MYLK4: variants seen among roughly 807,000 people sequenced by gnomAD.
MYLK4 encodes the protein myosin light chain kinase family member 4.
MYLK4 carries 46 observed loss-of-function variants against 48.1 expected under a neutral mutation model. The ratio of observed to expected loss-of-function variants is 0.96; its 90% confidence interval spans 0.75 to 1.22. MYLK4 has a LOEUF of 1.22. Ranked by LOEUF, MYLK4 falls within the 50% of genes most tolerant of loss-of-function variation. The probability of loss-of-function intolerance (pLI) is 0.00; values close to 1 mark genes in which losing one functional copy is unlikely to be tolerated. For missense variants in MYLK4, 451 were observed against 486.1 expected (o/e 0.93, Z 0.68); for synonymous variants, 170 against 180.8 (o/e 0.94, Z 0.48).
chr6:2,763,665 C>T, the MYLK4 span, among the ~76,000 whole-genome samples: 1 of 152,244 alleles, frequency 6.6e-6, no homozygotes, highest in Non-Finnish European at 1.5e-5. Context: ...TACTTCCCCA[C>T]AAGCTGAGGG....
chr6:2,704,170 T>A (rs1312429702), intron 2 of MYLK4, among the ~76,000 whole-genome samples: 2 of 152,268 alleles, frequency 1.3e-5, no homozygotes, highest in African/African-American at 4.8e-5. Flanking sequence ...GATTAGAAGG[T>A]CGGGTTGGGG....
the MYLK4 span, among the ~76,000 whole-genome samples, chr6:2,759,452 A>T: frequency 6.6e-6 from 1 of 152,176 alleles, no homozygotes; most frequent in South Asian, 2.1e-4. Flanking sequence ...TCTGTTTTTC[A>T]TGAAGTACAT....
At chr6:2,739,756 C>A (rs1763824019) in intron 2 of MYLK4, among the ~76,000 whole-genome samples, 1 of 152,180 alleles carries the variant, frequency 6.6e-6, no homozygotes, top group African/African-American at 2.4e-5. Flanking sequence ...TTTAAGAAGA[C>A]CTAGGGCCTA....
chr6:2,718,774 G>A (rs1762959699), intron 2 of MYLK4, among the ~76,000 whole-genome samples: 1 of 152,174 alleles, frequency 6.6e-6, no homozygotes, highest in Non-Finnish European at 1.5e-5. Flanking sequence ...GTTTATACTG[G>A]TGTGGTTAGT....
chr6:2,705,079 T>C (rs1233074946), intron 2 of MYLK4, among the ~76,000 whole-genome samples: 2 of 152,232 alleles, frequency 1.3e-5, no homozygotes, highest in Non-Finnish European at 2.9e-5. Flanking sequence ...TGATTATGAT[T>C]TAGTGGTAAC....
At chr6:2,722,512 AGT>A (rs369339405) in intron 2 of MYLK4, among the ~76,000 whole-genome samples, 24,509 of 139,276 alleles carry the variant, frequency 0.18, 2,120 homozygotes, top group African/African-American at 0.24. Context: ...ACATAAAAGG[AGT>A]GTGTGTGTGT....
chr6:2,701,352 C>T (rs1027876405), intron 2 of MYLK4, among the ~76,000 whole-genome samples: 1 of 152,162 alleles, frequency 6.6e-6, no homozygotes, highest in Non-Finnish European at 1.5e-5. Context: ...CCCACTGCCT[C>T]CCTGCAGTGG....
At chr6:2,680,399 C>G (rs1377460749) in intron 7 of MYLK4, 108 bp from the exon 8 acceptor site, 2 of 1,574,892 alleles carry the variant, frequency 1.3e-6, no homozygotes, top group Admixed American at 1.8e-5. Context: ...ACATATCAGG[C>G]CTTTCACTTC....
At chr6:2,744,897 C>T (rs1343659961) in intron 2 of MYLK4, among the ~76,000 whole-genome samples, 1 of 152,168 alleles carries the variant, frequency 6.6e-6, no homozygotes, top group African/African-American at 2.4e-5. Context: ...AAATGATTTG[C>T]TTAGGGGTCT....
Position 2,679,427 on chromosome 6 carries a change from A to C in MYLK4, c.759-19T>G, listed in dbSNP as rs200806017. The C allele has an allele frequency of 6.2e-7, 1 of 1,614,170 alleles. No homozygotes were observed. Among genetic ancestry groups the C allele is most frequent in the South Asian group, 1.1e-5 (1 of 91,084 alleles). ...TTTGTATCTGCAATTTAAGAGACAA[A>C]GTGGAAGGATGGACGTGTCGATCAA... On this transcript the variant is annotated intron_variant, in intron 8 of 12. Transcript: ENST00000274643.
intron 2 of MYLK4, among the ~76,000 whole-genome samples, chr6:2,693,500 C>G (rs964734818): frequency 2.6e-5 from 4 of 152,212 alleles, no homozygotes; most frequent in African/African-American, 9.7e-5. Context: ...ATTCTTCTCA[C>G]AGTCCTGGAG....
intron 2 of MYLK4, among the ~76,000 whole-genome samples, chr6:2,734,790 T>C (rs903660605): frequency 1.3e-5 from 2 of 152,218 alleles, no homozygotes; most frequent in Admixed American, 1.3e-4. Flanking sequence ...AACTTCATCA[T>C]CTGACTGCAG....
At chr6:2,702,541 C>T (rs1241409772) in intron 2 of MYLK4, among the ~76,000 whole-genome samples, 1 of 152,168 alleles carries the variant, frequency 6.6e-6, no homozygotes, top group Non-Finnish European at 1.5e-5. Context: ...GGTACAAAGT[C>T]TCAGACTGGA....
chr6:2,686,282 T>G (rs1450574429), intron 4 of MYLK4, among the ~76,000 whole-genome samples: 1 of 152,218 alleles, frequency 6.6e-6, no homozygotes, highest in Non-Finnish European at 1.5e-5. Flanking sequence ...TGTTATGAGC[T>G]GGGCTTTGCC....
chr6:2,729,338 G>A (rs537761956), intron 2 of MYLK4, among the ~76,000 whole-genome samples: 21 of 152,252 alleles, frequency 1.4e-4, no homozygotes, highest in Non-Finnish European at 2.1e-4. Context: ...GGACCAGCAA[G>A]CACATGGGGT....
intron 12 of MYLK4, among the ~76,000 whole-genome samples, chr6:2,669,362 T>C (rs909433296): frequency 6.6e-6 from 1 of 152,234 alleles, no homozygotes; most frequent in Non-Finnish European, 1.5e-5. Context: ...TTCCATCACA[T>C]TGGGTTCGAG....
At chr6:2,711,257 G>A (rs1762664284) in intron 2 of MYLK4, among the ~76,000 whole-genome samples, 1 of 152,204 alleles carries the variant, frequency 6.6e-6, no homozygotes, top group Non-Finnish European at 1.5e-5. Flanking sequence ...GACATGGTAA[G>A]AAACTCAATT....
the MYLK4 span, chr6:2,765,707 G>C: frequency 6.5e-7 from 1 of 1,546,018 alleles, no homozygotes; most frequent in African/African-American, 1.4e-5. Flanking sequence ...GATGATGCCC[G>C]CCGCGCACAT....
rs184804654 is a variant in MYLK4, at chr6:2,723,061, G to C, written c.159+26075C>G. Among the ~76,000 whole-genome samples the C allele has an allele frequency of 3.9e-5, 6 of 152,220 alleles. No individual in the cohort carries two copies. In the South Asian group the frequency reaches 6.2e-4, roughly 16 times the overall value. On this transcript the variant is annotated intron_variant, in intron 2 of 12. Coordinates refer to ENST00000274643, the MANE Select transcript of MYLK4 (RefSeq NM_001012418.5). ...GATCCCAGCACTTTGGGAGGCTGAG[G>C]GGGGAGGATTGCATGAGCTCAGGAA... is the stretch of plus-strand genomic sequence containing the variant.
Sources: allele counts gnomAD v4.1 joint callset (sites outside exome capture counted in the v4.1 genomes callset), GRCh38; gene constraint gnomAD v4.1.1; transcripts MANE v1.5; gene names NCBI Gene and HGNC (gene_info 2026-07-23, HGNC 2026-07-21).